Variants in GRM7 observed in about 807,000 individuals in gnomAD.
GRM7 encodes the protein metabotropic glutamate receptor 7.
GRM7 carries 35 observed loss-of-function variants against 84.5 expected under a neutral mutation model. The observed-to-expected ratio is 0.41, with a 90% CI of 0.32 to 0.55. The LOEUF (loss-of-function observed/expected upper bound fraction) is 0.55, where lower values mean the gene tolerates loss of function less well. Ranked by LOEUF, GRM7 falls within the 20% of genes least tolerant of loss-of-function variation. The probability of loss-of-function intolerance (pLI) is 0.19; values close to 1 mark genes in which losing one functional copy is unlikely to be tolerated. For missense variants in GRM7, 1,003 were observed against 1,194.6 expected, an observed-to-expected ratio of 0.84 and a Z score of 2.36; for synonymous variants, 487 against 455.1, an observed-to-expected ratio of 1.07 and a Z score of -0.89.
At chr3:7,183,656 GA>G (rs1050614482) in intron 2 of GRM7, among the ~76,000 whole-genome samples, 1 of 151,850 alleles carries the variant, frequency 6.6e-6, no homozygotes, top group African/African-American at 2.4e-5. Context: ...TAAATAAAAT[GA>G]AAAAAATAAT....
chr3:7,225,471 TAATA>T (rs1381652473), intron 2 of GRM7, among the ~76,000 whole-genome samples: 3 of 147,648 alleles, frequency 2.0e-5, no homozygotes, highest in African/African-American at 7.3e-5. Flanking sequence ...ATTATAATTA[TAATA>T]AATGTAAATA....
chr3:7,635,776 C>A (rs1008354286), intron 8 of GRM7, among the ~76,000 whole-genome samples: 1 of 152,106 alleles, frequency 6.6e-6, no homozygotes, highest in Non-Finnish European at 1.5e-5. Flanking sequence ...GGGACTCAAG[C>A]GATCTTCCTG....
intron 8 of GRM7, among the ~76,000 whole-genome samples, chr3:7,644,094 C>T (rs543787263): frequency 2.2e-5 from 2 of 91,944 alleles, no homozygotes; most frequent in East Asian, 3.3e-4. Flanking sequence ...TGTCATTTAT[C>T]TGCAATTTTT....
chr3:7,292,040 T>G (rs1194425239), intron 2 of GRM7, among the ~76,000 whole-genome samples: 2 of 152,216 alleles, frequency 1.3e-5, no homozygotes, highest in Non-Finnish European at 2.9e-5. Context: ...CCTTCTGCCA[T>G]GATCGTGAGG....
At chr3:7,262,864 A>AT (rs1698486508) in intron 2 of GRM7, among the ~76,000 whole-genome samples, 1 of 152,078 alleles carries the variant, frequency 6.6e-6, no homozygotes, top group Admixed American at 6.5e-5. Context: ...CACCCAGCTA[A>AT]TTTTTGTATT....
chr3:7,694,968 A>AT (rs1395713100), intron 9 of GRM7, among the ~76,000 whole-genome samples: 5 of 152,172 alleles, frequency 3.3e-5, no homozygotes, highest in Non-Finnish European at 7.4e-5. Flanking sequence ...AAACAGTCTT[A>AT]TTTTTTAAAT....
At chr3:6,967,047 G>A (rs1312045696) in intron 1 of GRM7, among the ~76,000 whole-genome samples, 3 of 152,050 alleles carry the variant, frequency 2.0e-5, no homozygotes, top group Non-Finnish European at 2.9e-5. Flanking sequence ...GTATTTTATT[G>A]ACTTTCAAAC....
chr3:6,880,025 G>T (rs1482037426), intron 1 of GRM7, among the ~76,000 whole-genome samples: 1 of 152,178 alleles, frequency 6.6e-6, no homozygotes, highest in Non-Finnish European at 1.5e-5. Flanking sequence ...AGCAAAGAAA[G>T]TATTTACCAA....
At chr3:7,192,179 A>G (rs979239874) in intron 2 of GRM7, among the ~76,000 whole-genome samples, 1 of 152,188 alleles carries the variant, frequency 6.6e-6, no homozygotes, top group African/African-American at 2.4e-5. Flanking sequence ...GTGAGCCAGA[A>G]TCAGTTGAGA....
intron 7 of GRM7, among the ~76,000 whole-genome samples, chr3:7,538,412 C>G (rs996382917): frequency 2.6e-5 from 4 of 152,018 alleles, no homozygotes. Context: ...ATGTTCGGCC[C>G]GTTACTGTAT....
At chr3:7,360,117 T>TC (rs1203496865) in intron 4 of GRM7, among the ~76,000 whole-genome samples, 3 of 140,816 alleles carry the variant, frequency 2.1e-5, no homozygotes, top group Admixed American at 7.3e-5. Context: ...TATCTCTTTC[T>TC]CCCCCCCTTT....
intron 1 of GRM7, among the ~76,000 whole-genome samples, chr3:6,973,614 A>AGT (rs1693855628): frequency 6.6e-6 from 1 of 152,196 alleles, no homozygotes; most frequent in Non-Finnish European, 1.5e-5. Context: ...TCACTGATAG[A>AGT]GTGATATTTT....
Position 6,959,882 on chromosome 3 carries a change from A to G in GRM7, c.519+97975A>G, listed in dbSNP as rs114537218. On this transcript the variant is annotated intron_variant, in intron 1 of 9. Transcript: ENST00000357716. ...TCACACTTGTGAGTAACAAATGGAA[A>G]CTCATGGAGAGGTATGGTTTCTCTC... Among the ~76,000 whole-genome samples, 375 of 152,060 alleles carry G rather than the reference A, an allele frequency of 2.5e-3. 3 individuals carry two copies. Among genetic ancestry groups the G allele is most frequent in the African/African-American group, 8.1e-3 (337 of 41,472 alleles).
intron 7 of GRM7, among the ~76,000 whole-genome samples, chr3:7,563,107 G>A (rs9829118): frequency 0.015 from 2,321 of 152,196 alleles, 54 homozygotes; most frequent in African/African-American, 0.051. Flanking sequence ...CAGGTGAGTG[G>A]GTGAAAAGCA....
chr3:7,298,728 A>C lies in GRM7; in HGVS notation c.781A>C (p.Lys261Gln), dbSNP rs557191966. ...GTCCGTGAGAATCCCCCAGGAACGC[A>C]AAGACAGGACCATTGACTTTGATAG... ...AQSVRIPQER[K>Q]DRTIDFDRII... is the part of the protein sequence containing the mutation. The change falls in exon 3 of 10, where the codon AAA becomes CAA. Residue 261 changes from lysine (K) to glutamine (Q), a missense_variant. Coordinates refer to ENST00000357716, the MANE Select transcript of GRM7 (RefSeq NM_000844.4). 6.2e-7 allele frequency: 1 copy of C among 1,613,662 alleles called. No homozygotes were observed. The highest frequency in any genetic ancestry group is 1.3e-5 in the African/African-American group (1 of 75,020).
intron 2 of GRM7, among the ~76,000 whole-genome samples, chr3:7,229,832 C>T (rs796236682): frequency 1.7e-5 from 2 of 117,712 alleles, no homozygotes; most frequent in African/African-American, 7.0e-5. Context: ...CAGCAATCTT[C>T]CATCTTCTTT....
At chr3:7,209,661 G>GT (rs1696355073) in intron 2 of GRM7, among the ~76,000 whole-genome samples, 1 of 152,192 alleles carries the variant, frequency 6.6e-6, no homozygotes, top group South Asian at 2.1e-4. Flanking sequence ...TGTTGACGAG[G>GT]TAGCTCAAAG....
intron 2 of GRM7, among the ~76,000 whole-genome samples, chr3:7,234,428 C>A (rs1377226704): frequency 6.6e-6 from 1 of 152,128 alleles, no homozygotes; most frequent in Middle Eastern, 3.2e-3. Flanking sequence ...GCCTCTGATT[C>A]CCTAACCAGT....
chr3:7,334,832 TA>T (rs1314919850), intron 4 of GRM7, among the ~76,000 whole-genome samples: 1 of 152,156 alleles, frequency 6.6e-6, no homozygotes, highest in East Asian at 1.9e-4. Flanking sequence ...GAACATTATT[TA>T]ATGATAAAAG....
Sources: allele counts gnomAD v4.1 joint callset (sites outside exome capture counted in the v4.1 genomes callset), GRCh38; gene constraint gnomAD v4.1.1; transcripts MANE v1.5; gene names NCBI Gene and HGNC (gene_info 2026-07-23, HGNC 2026-07-21).